FOXN3: variants seen among roughly 807,000 people sequenced by gnomAD.
FOXN3 encodes forkhead box protein N3.
FOXN3 carries 7 observed loss-of-function variants against 38.4 expected under a neutral mutation model. The ratio of observed to expected loss-of-function variants is 0.18; its 90% CI spans 0.10 to 0.34. The LOEUF is 0.34. Among genes scored for constraint, FOXN3 ranks in the 10% least tolerant of loss-of-function variants. The pLI, the probability that FOXN3 is intolerant of heterozygous loss-of-function variation, is 1.00. For missense variants in FOXN3, 456 were observed against 613.4 expected (o/e 0.74, Z 2.71); for synonymous variants, 230 against 242.2 (o/e 0.95, Z 0.47).
At chr14:89,289,744 T>G (rs1886805686) in intron 3 of FOXN3, among the ~76,000 whole-genome samples, 1 of 152,212 alleles carries the variant, frequency 6.6e-6, no homozygotes, top group Non-Finnish European at 1.5e-5. Flanking sequence ...ATATCCACAC[T>G]GCCAAAGGTG....
At chr14:89,593,896 T>C (rs1393892925) in intron 1 of FOXN3, among the ~76,000 whole-genome samples, 1 of 152,230 alleles carries the variant, frequency 6.6e-6, no homozygotes, top group Non-Finnish European at 1.5e-5. Flanking sequence ...TGTGAGCCAC[T>C]GCACTGGGCA....
intron 1 of FOXN3, among the ~76,000 whole-genome samples, chr14:89,544,248 A>G (rs1365352375): frequency 6.6e-6 from 1 of 151,592 alleles, no homozygotes; most frequent in East Asian, 1.9e-4. Flanking sequence ...TCACTGTGTT[A>G]GCCAGGATGG....
chr14:89,555,838 G>GATGTGTGTGTGTGTGTGT (rs1895103946), intron 1 of FOXN3, among the ~76,000 whole-genome samples: 1 of 89,620 alleles, frequency 1.1e-5, no homozygotes, highest in African/African-American at 3.0e-5. Context: ...TCTAGTTCAT[G>GATGTGTGTGTGTGTGTGT]GTGTGTGTGT....
chr14:89,180,360 G>A (rs558087796), intron 5 of FOXN3, among the ~76,000 whole-genome samples: 160 of 152,288 alleles, frequency 1.1e-3, no homozygotes, highest in Non-Finnish European at 1.9e-3. Context: ...GGACAGGACT[G>A]GGTCTTGCGC....
chr14:89,250,469 A>T (rs112894083), intron 4 of FOXN3, among the ~76,000 whole-genome samples: 2,502 of 152,348 alleles, frequency 0.016, 30 homozygotes, highest in Middle Eastern at 0.034. Flanking sequence ...CTAGTTGGTC[A>T]TGTGATAGCA....
chr14:89,313,827 A>G (rs772515688), intron 3 of FOXN3, among the ~76,000 whole-genome samples: 6 of 152,256 alleles, frequency 3.9e-5, no homozygotes, highest in Non-Finnish European at 8.8e-5. Context: ...GTACTGATAC[A>G]TGCTACAACA....
chr14:89,369,687 C>T (rs1240991020), intron 2 of FOXN3, among the ~76,000 whole-genome samples: 1 of 150,598 alleles, frequency 6.6e-6, no homozygotes, highest in Admixed American at 6.6e-5. Flanking sequence ...TGTAGGGAAA[C>T]TCCCCTTTAC....
At chr14:89,617,957 T>C (rs149459788) in intron 1 of FOXN3, among the ~76,000 whole-genome samples, 1,913 of 152,312 alleles carry the variant, frequency 0.013, 36 homozygotes, top group African/African-American at 0.044. Context: ...TTCAGAGCTC[T>C]GCACCCTCCG....
chr14:89,418,225 C>A (rs1401643303), upstream of FOXN3, among the ~76,000 whole-genome samples: 1 of 151,674 alleles, frequency 6.6e-6, no homozygotes, highest in East Asian at 1.9e-4. Context: ...CCCAGGGCAC[C>A]CTTCCTGCCA....
chr14:89,414,528 A>G (rs1891639674), intron 1 of FOXN3, among the ~76,000 whole-genome samples: 1 of 145,616 alleles, frequency 6.9e-6, no homozygotes, highest in African/African-American at 2.6e-5. Context: ...CCTAAGGGGG[A>G]GCTGTGGTGA....
At chr14:89,467,695 C>A (rs114274600) in intron 1 of FOXN3, among the ~76,000 whole-genome samples, 2,502 of 151,138 alleles carry the variant, frequency 0.017, 60 homozygotes, top group African/African-American at 0.057. Flanking sequence ...GCTCAAGCTC[C>A]AGCAGTCCTC....
Position 89,350,684 on chromosome 14 carries a change from T to C in FOXN3, c.668A>G (p.Gln223Arg). ...CTGAATTGCTTACCTTTGATATGCC[T>C]GAGGACAGGTGGGAGGTGTATTGAA... The part of the protein sequence containing the change: ...HVFNTPPTCP[Q>R]AYQSTSGPPI... Residue 223 changes from glutamine to arginine, a missense_variant, in exon 3 of 6, where the codon CAG (glutamine) becomes CGG (arginine). Coordinates refer to ENST00000557258, the MANE Select transcript of FOXN3 (RefSeq NM_005197.4). 6.5e-7 allele frequency: 1 copy of C among 1,549,890 alleles called. No individual in the cohort carries two copies. The highest frequency in any genetic ancestry group is 2.2e-5 in the Admixed American group (1 of 44,882).
chr14:89,163,068 A>C lies in FOXN3; in HGVS notation c.852-99T>G. The C allele has an allele frequency of 8.7e-7, 1 of 1,152,156 alleles. No homozygotes were observed. Among genetic ancestry groups the C allele is most frequent in the Non-Finnish European group, 1.2e-6 (1 of 846,670 alleles). 71.4% of individuals were successfully genotyped at this position (1,152,156 alleles called of 1,614,324 possible). ...CCCGGCAGCCCGCCTGCATTCAACC[A>C]TCAGTCCCTTTGTGTTCAATGGAGC... On this transcript the variant is annotated intron_variant, in intron 5 of 5. Coordinates refer to ENST00000557258, the MANE Select transcript of FOXN3 (RefSeq NM_005197.4). This position sits in a 1 kb window ranked among gnomAD's most constrained non-coding sequence, Gnocchi z 4.3.
At chr14:89,346,949 C>T (rs751281328) in intron 3 of FOXN3, among the ~76,000 whole-genome samples, 52 of 152,192 alleles carry the variant, frequency 3.4e-4, no homozygotes, top group Non-Finnish European at 6.8e-4. Context: ...CTGCTCATCA[C>T]CGTCCCAGCT....
chr14:89,288,710 C>A (rs1596156857), intron 3 of FOXN3, among the ~76,000 whole-genome samples: 1 of 75,914 alleles, frequency 1.3e-5, no homozygotes, highest in Non-Finnish European at 2.3e-5. Context: ...CTCTCTCTCT[C>A]TCTCTCTCTC....
intron 2 of FOXN3, chr14:89,356,467 C>T (rs549104932): frequency 6.6e-6 from 1 of 152,122 alleles, no homozygotes; most frequent in South Asian, 2.1e-4. Context: ...CATTTTATAA[C>T]AACCTTATTA....
intron 5 of FOXN3, among the ~76,000 whole-genome samples, chr14:89,165,976 A>G (rs1232847446): frequency 1.3e-5 from 2 of 152,246 alleles, no homozygotes; most frequent in Non-Finnish European, 2.9e-5. Flanking sequence ...TAAGCAGAAC[A>G]TGATCCCTCT....
At chr14:89,392,504 G>A (rs1890977145) in intron 2 of FOXN3, among the ~76,000 whole-genome samples, 1 of 152,192 alleles carries the variant, frequency 6.6e-6, no homozygotes, top group South Asian at 2.1e-4. Context: ...GAAGCTGGGA[G>A]ACAGAATCTG....
chr14:89,533,305 G>A (rs1596309720), intron 1 of FOXN3, among the ~76,000 whole-genome samples: 1 of 152,152 alleles, frequency 6.6e-6, no homozygotes, highest in Non-Finnish European at 1.5e-5. Flanking sequence ...CTCATGAACT[G>A]CCCTGCCTCT....
Sources: gnomAD v4.1 joint callset for allele counts (sites outside exome capture counted in the v4.1 genomes callset) on GRCh38, gnomAD v4.1.1 for gene constraint, Gnocchi (gnomAD v3.1) non-coding constraint, MANE v1.5 for transcripts, NCBI Gene and HGNC (gene_info 2026-07-23, HGNC 2026-07-21) for gene names.